SLC12A7: variants seen among roughly 807,000 people sequenced by gnomAD.
SLC12A7 encodes the protein solute carrier family 12 member 7, also known as K-Cl cotransporter 4.
SLC12A7 carries 100 observed loss-of-function variants against 120.6 expected under a neutral mutation model. The ratio of observed to expected loss-of-function variants is 0.83; its 90% CI spans 0.71 to 0.98. The LOEUF (loss-of-function observed/expected upper bound fraction) is 0.98, where lower values mean the gene tolerates loss of function less well. Ranked by LOEUF, SLC12A7 falls within the 50% of genes least tolerant of loss-of-function variation. SLC12A7 has a pLI of 0.00. For missense variants in SLC12A7, 1,373 were observed against 1,548.1 expected (o/e 0.89, Z 1.90); for synonymous variants, 760 against 678.0 (o/e 1.12, Z -1.88).
chr5:1,078,371 ACCCCACTACTT>A, intron 11 of SLC12A7: 2 of 546,258 alleles, frequency 3.7e-6, no homozygotes, highest in Non-Finnish European at 6.5e-6. Context: ...CCTGCCTGGG[ACCCCACTACTT>A]CTCCACTTGC....
At chr5:1,120,316 C>T in the SLC12A7 span, among the ~76,000 whole-genome samples, 44 of 152,356 alleles carry the variant, frequency 2.9e-4, no homozygotes, top group Non-Finnish European at 4.9e-4. Context: ...GCCCCCCCAC[C>T]GGCAGTGTCC....
intron 1 of SLC12A7, among the ~76,000 whole-genome samples, chr5:1,108,846 G>A (rs999735649): frequency 6.6e-6 from 1 of 152,192 alleles, no homozygotes; most frequent in Non-Finnish European, 1.5e-5. Context: ...GTTGGAGCAG[G>A]AGGGACGGGC....
chr5:1,067,686 T>C (rs1026803206), intron 17 of SLC12A7, among the ~76,000 whole-genome samples: 2 of 152,216 alleles, frequency 1.3e-5, no homozygotes, highest in African/African-American at 4.8e-5. Flanking sequence ...GAGTCGGAGC[T>C]GGGGATCTCA....
chr5:1,055,076 C>T lies in SLC12A7; in HGVS notation c.3027-1594G>A, dbSNP rs548974064. ...TTGGCTACTGGTGGAGTATGCCGGC[C>T]GCCACAGCAAGGAGGACCAGTGCAG... is the stretch of plus-strand genomic sequence containing the variant. On this transcript the variant is annotated intron_variant, in intron 22 of 23. Coordinates refer to ENST00000264930, the MANE Select transcript of SLC12A7 (RefSeq NM_006598.3). Among the ~76,000 whole-genome samples, 8 of 152,206 alleles carry T rather than the reference C, an allele frequency of 5.3e-5. No homozygotes were observed. In the South Asian group the frequency reaches 6.2e-4, roughly 12 times the overall value.
chr5:1,086,510 C>T (rs950475251), intron 6 of SLC12A7, among the ~76,000 whole-genome samples: 4 of 152,226 alleles, frequency 2.6e-5, no homozygotes, highest in African/African-American at 9.6e-5. Flanking sequence ...CTGGGACCCT[C>T]GGCCAAGTGC....
the SLC12A7 span, among the ~76,000 whole-genome samples, chr5:1,136,994 CAT>C: frequency 0.24 from 36,587 of 150,126 alleles, 6,952 homozygotes; most frequent in African/African-American, 0.53. Flanking sequence ...CCAGGACACA[CAT>C]GTGCACACAC....
chr5:1,111,304 G>A (rs1742981876), intron 1 of SLC12A7, among the ~76,000 whole-genome samples: 2 of 152,186 alleles, frequency 1.3e-5, no homozygotes, highest in Admixed American at 1.3e-4. Flanking sequence ...CGGGAACACG[G>A]AGGACGCGGC....
chr5:1,090,844 G>A (rs959745895), intron 3 of SLC12A7, among the ~76,000 whole-genome samples: 1 of 152,234 alleles, frequency 6.6e-6, no homozygotes, highest in African/African-American at 2.4e-5. Context: ...AACTTTTAAG[G>A]CTCAACCTGA....
chr5:1,085,618 G>A (rs1225863188), intron 6 of SLC12A7, 145 bp from the exon 7 acceptor site: 55 of 1,208,976 alleles, frequency 4.5e-5, no homozygotes, highest in East Asian at 2.6e-4. Context: ...GACGGAGCCC[G>A]CGGGGGTCAG....
In SLC12A7 at chr5:1,079,266, C is replaced by T. The variant is rs79545261; in HGVS notation, c.1396+132G>A. The T allele has an allele frequency of 2.6e-3, 1,807 of 691,742 alleles. 42 individuals carry two copies. The East Asian group carries it at 0.04, about 15-fold the overall frequency. 42.9% of individuals were successfully genotyped at this position (691,742 alleles called of 1,614,324 possible). ...TTGCCCCGTCTCCCAGGGAGGATGA[C>T]GTGGTGAGAGCACAGCCTAACCTGG... On this transcript the variant is annotated intron_variant, in intron 10 of 23. Transcript: ENST00000264930.
Position 1,068,071 on chromosome 5 carries a change from C to T in SLC12A7, c.2242-2593G>A, listed in dbSNP as rs188033114. Among the ~76,000 whole-genome samples the T allele has an allele frequency of 9.8e-5, 15 of 152,338 alleles. No individual in the cohort carries two copies. In the South Asian group the frequency reaches 2.1e-3, roughly 21 times the overall value. On this transcript the variant is annotated intron_variant, in intron 17 of 23. Transcript: ENST00000264930. ...CCACACAGAACAGAGCACAAGGGCG[C>T]GCATGAGCCTCCCTGGCGACTGCAT... is the stretch of plus-strand genomic sequence containing the variant.
chr5:1,053,395 C>T lies in SLC12A7; in HGVS notation c.3114G>A (p.Leu1038=). 1.2e-6 allele frequency: 2 copies of T among 1,614,014 alleles called. No homozygotes were observed. The highest frequency in any genetic ancestry group is 8.5e-7 in the Non-Finnish European group (1 of 1,180,016). Residue 1038 remains leucine (L), a synonymous_variant, in exon 23 of 24, where the codon CTG becomes CTA. Coordinates refer to ENST00000264930, the MANE Select transcript of SLC12A7 (RefSeq NM_006598.3). ...TTTTGGGAGGACCTGGCATGTTGAGCAGGACCAGCTGCGCATCCTGGGACT... is the reference window on the plus strand; with the variant it reads ...TTTTGGGAGGACCTGGCATGTTGAGTAGGACCAGCTGCGCATCCTGGGACT... ...LNKSQDAQLV[L]LNMPGPPKNR...
At chr5:1,065,548 G>A (rs1446032276) in intron 17 of SLC12A7, 70 bp from the exon 18 acceptor site, 1 of 1,358,526 alleles carries the variant, frequency 7.4e-7, no homozygotes. Context: ...ACCACCCACG[G>A]TGGCCAGGGC....
In SLC12A7 at chr5:1,093,718, C is replaced by T. The variant is rs910484334; in HGVS notation, c.220-63G>A. ...TCGCCGTGGGCCCCCCGACCTCCCTCCCCGTGTTCAGGGTGTGGAGCTCAG... is the reference window on the plus strand; with the variant it reads ...TCGCCGTGGGCCCCCCGACCTCCCTTCCCGTGTTCAGGGTGTGGAGCTCAG... On this transcript the variant is annotated intron_variant, in intron 2 of 23. Coordinates refer to ENST00000264930, the MANE Select transcript of SLC12A7 (RefSeq NM_006598.3). 4.4e-5 allele frequency: 70 copies of T among 1,599,680 alleles called. 2 individuals are homozygous for T. In the South Asian group the frequency reaches 7.5e-4, roughly 17 times the overall value.
chr5:1,128,030 G>C, the SLC12A7 span, among the ~76,000 whole-genome samples: 8 of 152,194 alleles, frequency 5.3e-5, no homozygotes, highest in African/African-American at 1.9e-4. Context: ...CGTGATCTCT[G>C]GTTATTCCAG....
At chr5:1,136,659 AGACACC>A in the SLC12A7 span, among the ~76,000 whole-genome samples, 7 of 135,570 alleles carry the variant, frequency 5.2e-5, no homozygotes, top group East Asian at 2.5e-4. Context: ...ACATGTGCTC[AGACACC>A]AACACCAGGA....
intron 1 of SLC12A7, among the ~76,000 whole-genome samples, chr5:1,102,054 G>A (rs2150901034): frequency 6.6e-6 from 1 of 152,320 alleles, no homozygotes; most frequent in African/African-American, 2.4e-5. Flanking sequence ...CAGACCCTGT[G>A]GTCAGTAAGC....
chr5:1,152,460 C>T, the SLC12A7 span, among the ~76,000 whole-genome samples: 240 of 152,330 alleles, frequency 1.6e-3, 1 homozygote, highest in African/African-American at 5.5e-3. Flanking sequence ...CCAGCAGGAC[C>T]GAGGGGGATG....
rs1182337800 is a variant in SLC12A7, at chr5:1,074,797, G to A, written c.1968-126C>T. 6.9e-6 allele frequency: 6 copies of A among 865,998 alleles called. No individual in the cohort carries two copies. The South Asian group carries it at 9.7e-5, about 14-fold the overall frequency. The allele number at this position is 865,998 out of a possible 1,614,324, so 53.6% of individuals were successfully genotyped here. A position where few individuals can be genotyped will look rare whatever the true frequency, so the allele number is the denominator to read the frequency against. On this transcript the variant is annotated intron_variant, in intron 15 of 23. Transcript: ENST00000264930. ...GGACCCCCAGGAAAAGTCCCTGGATGAGGAGGGAGGCCTCCATGCCCACCC... is the reference window on the plus strand; with the variant it reads ...GGACCCCCAGGAAAAGTCCCTGGATAAGGAGGGAGGCCTCCATGCCCACCC...
Sources: gnomAD v4.1 joint callset for allele counts (sites outside exome capture counted in the v4.1 genomes callset) on GRCh38, gnomAD v4.1.1 for gene constraint, MANE v1.5 for transcripts, NCBI Gene and HGNC (gene_info 2026-07-23, HGNC 2026-07-21) for gene names.